Variants in PSD3 observed in about 807,000 individuals in gnomAD.
The protein encoded by PSD3 is pleckstrin and Sec7 domain containing 3.
PSD3 carries 49 observed loss-of-function variants against 105.5 expected under a neutral mutation model. The ratio of observed to expected loss-of-function variants is 0.46; its 90% confidence interval spans 0.37 to 0.59. The LOEUF (loss-of-function observed/expected upper bound fraction) is 0.59, where lower values mean the gene tolerates loss of function less well. Among genes scored for constraint, PSD3 ranks in the 20% least tolerant of loss-of-function variants. PSD3 has a pLI of 0.00. For synonymous variants in PSD3, 557 were observed against 457.8 expected, an observed-to-expected ratio of 1.22 and a Z score of -2.77; for missense variants, 1,561 against 1,263.8, an observed-to-expected ratio of 1.24 and a Z score of -3.57.
chr8:18,655,904 ACTGT>A (rs1055148610), intron 9 of PSD3, among the ~76,000 whole-genome samples: 8 of 152,222 alleles, frequency 5.3e-5, no homozygotes, highest in Non-Finnish European at 1.0e-4. Flanking sequence ...CAAAGTTATA[ACTGT>A]CTTTTATCAA....
At chr8:18,804,949 A>T in intron 4 of PSD3, 51 bp from the exon 5 acceptor site, 1 of 1,384,544 alleles carries the variant, frequency 7.2e-7, no homozygotes, top group South Asian at 1.3e-5. Context: ...TATATGGCAA[A>T]AAGGAAAATA....
chr8:19,066,915 T>C (rs1020089256), intron 1 of PSD3, among the ~76,000 whole-genome samples: 1 of 152,228 alleles, frequency 6.6e-6, no homozygotes, highest in South Asian at 2.1e-4. Flanking sequence ...CTTGACATTC[T>C]TGGGGACACT....
chr8:18,625,887 T>C (rs183208794), intron 11 of PSD3, among the ~76,000 whole-genome samples: 3 of 152,296 alleles, frequency 2.0e-5, no homozygotes, highest in South Asian at 2.1e-4. Context: ...ATTATCACTA[T>C]TGTTATTGTG....
At chr8:18,991,454 G>A (rs1376658860) in intron 1 of PSD3, among the ~76,000 whole-genome samples, 1 of 151,694 alleles carries the variant, frequency 6.6e-6, no homozygotes, top group Non-Finnish European at 1.5e-5. Context: ...TGGGTGTCCT[G>A]TGGCTAGGGT....
At chr8:18,962,084 A>G (rs759881948) in intron 1 of PSD3, among the ~76,000 whole-genome samples, 49 of 152,194 alleles carry the variant, frequency 3.2e-4, no homozygotes, top group Non-Finnish European at 6.5e-4. Flanking sequence ...CATCTCAACT[A>G]AAAATACAAA....
intron 1 of PSD3, among the ~76,000 whole-genome samples, chr8:19,068,908 C>T (rs1050520768): frequency 6.6e-6 from 1 of 152,022 alleles, no homozygotes; most frequent in African/African-American, 2.4e-5. Context: ...AAGGGGTGGC[C>T]TGGAAAGGTG....
chr8:18,760,159 A>G (rs1806400919), intron 9 of PSD3, among the ~76,000 whole-genome samples: 1 of 152,170 alleles, frequency 6.6e-6, no homozygotes, highest in African/African-American at 2.4e-5. Flanking sequence ...TGAAAAGTAT[A>G]TATTTGTGGT....
chr8:18,613,199 A>G (rs1204190919), intron 11 of PSD3, among the ~76,000 whole-genome samples: 1 of 152,110 alleles, frequency 6.6e-6, no homozygotes, highest in Non-Finnish European at 1.5e-5. Flanking sequence ...GCCGCCTTCA[A>G]GCCTAAAACA....
chr8:18,667,984 G>A (rs937988552), intron 9 of PSD3, among the ~76,000 whole-genome samples: 2 of 152,226 alleles, frequency 1.3e-5, no homozygotes, highest in African/African-American at 2.4e-5. Flanking sequence ...CAAGTGTGGG[G>A]CCCGCGGAAG....
At chr8:19,066,344 A>G (rs1254110501) in intron 1 of PSD3, among the ~76,000 whole-genome samples, 1 of 152,218 alleles carries the variant, frequency 6.6e-6, no homozygotes, top group African/African-American at 2.4e-5. Flanking sequence ...ACAAACCCTT[A>G]TACCTCTGGC....
intron 11 of PSD3, among the ~76,000 whole-genome samples, chr8:18,616,623 C>CTTTTTTTTTTTTTTT (rs1215460486): frequency 1.0e-5 from 1 of 98,508 alleles, no homozygotes. Flanking sequence ...CCTCTCTTTT[C>CTTTTTTTTTTTTTTT]TTTTCTTTTT....
At chr8:18,909,358 G>A (rs151023511) in intron 2 of PSD3, among the ~76,000 whole-genome samples, 430 of 152,112 alleles carry the variant, frequency 2.8e-3, no homozygotes, top group African/African-American at 9.9e-3. Flanking sequence ...ATATATGAAC[G>A]GTATAGGCAC....
In PSD3 at chr8:18,531,898, A is replaced by G. The variant is rs938384466; in HGVS notation, c.*3845T>C. 15 of 151,970 alleles carry G rather than the reference A, an allele frequency of 9.9e-5. No homozygotes were observed. The highest frequency in any genetic ancestry group is 3.6e-4 in the African/African-American group (15 of 41,376). 9.4% of individuals were successfully genotyped at this position (151,970 alleles called of 1,614,324 possible). A position where few individuals can be genotyped will look rare whatever the true frequency, so the allele number is the denominator to read the frequency against. ...AGAGGTGGCTCCCAACCTGCTGAAA[A>G]CTCGACCAAGTCCACGGGAGTTAAA... is the stretch of plus-strand genomic sequence containing the variant. On this transcript the variant is annotated 3_prime_UTR_variant, in exon 16 of 16. Transcript: ENST00000327040.
At chr8:18,750,691 A>G (rs542275506) in intron 9 of PSD3, among the ~76,000 whole-genome samples, 19 of 151,968 alleles carry the variant, frequency 1.3e-4, no homozygotes, top group Non-Finnish European at 2.1e-4. Flanking sequence ...CAGGGCGCTG[A>G]GTGGTGCGTT....
intron 2 of PSD3, among the ~76,000 whole-genome samples, chr8:18,917,897 C>A (rs1820728349): frequency 2.0e-5 from 3 of 152,114 alleles, no homozygotes; most frequent in Admixed American, 1.3e-4. Flanking sequence ...TTTGTCTAAG[C>A]CACCGGTGTG....
intron 1 of PSD3, among the ~76,000 whole-genome samples, chr8:18,975,616 T>C (rs536558340): frequency 6.6e-6 from 1 of 152,332 alleles, no homozygotes; most frequent in Non-Finnish European, 1.5e-5. Context: ...TAAACATTCA[T>C]TCCTTTCCTG....
At position 18,558,921 on chromosome 8, in the gene PSD3, A is replaced by T. The variant is rs535456681; in HGVS notation, c.2785-2569T>A. Among the ~76,000 whole-genome samples, 346 of 152,270 alleles carry T rather than the reference A, an allele frequency of 2.3e-3. 2 individuals are homozygous for T. Among genetic ancestry groups the T allele is most frequent in the African/African-American group, 7.9e-3 (328 of 41,556 alleles). Reference sequence around the variant, plus strand: ...TTCTTTTGTAATTTTTTTTTCACTCAACATGTTTTTAAGATTTATCTACAT... The same window carrying T: ...TTCTTTTGTAATTTTTTTTTCACTCTACATGTTTTTAAGATTTATCTACAT... On this transcript the variant is annotated intron_variant, in intron 14 of 15. Transcript: ENST00000327040.
chr8:18,859,110 G>A (rs1816239981), intron 4 of PSD3, among the ~76,000 whole-genome samples: 1 of 152,078 alleles, frequency 6.6e-6, no homozygotes, highest in African/African-American at 2.4e-5. Context: ...TTGCAGAATG[G>A]ATATTGTGTT....
At chr8:18,585,880 T>C (rs187255942) in intron 12 of PSD3, among the ~76,000 whole-genome samples, 1 of 152,270 alleles carries the variant, frequency 6.6e-6, no homozygotes, top group Admixed American at 6.5e-5. Flanking sequence ...AGTGACAGAC[T>C]TGGAGTTTGA....
Sources: allele counts gnomAD v4.1 joint callset (sites outside exome capture counted in the v4.1 genomes callset), GRCh38; gene constraint gnomAD v4.1.1; transcripts MANE v1.5; gene names NCBI Gene and HGNC (gene_info 2026-07-23, HGNC 2026-07-21).